Variants in PFKP observed in about 807,000 individuals in gnomAD.
PFKP encodes ATP-dependent 6-phosphofructokinase, platelet type.
PFKP carries 101 observed loss-of-function variants against 94.3 expected under a neutral mutation model. That is an observed-to-expected ratio of 1.07 (90% CI 0.91 to 1.26). PFKP has a LOEUF of 1.26. Ranked by LOEUF, PFKP falls within the 50% of genes most tolerant of loss-of-function variation. The pLI is 0.00. For missense variants in PFKP, 1,145 were observed against 1,103.3 expected (o/e 1.04, Z -0.53); for synonymous variants, 573 against 432.6 (o/e 1.32, Z -4.03).
chr10:3,129,741 TCA>T (rs1838344445), intron 16 of PFKP, 76 bp from the exon 17 acceptor site: 3 of 1,504,790 alleles, frequency 2.0e-6, no homozygotes, highest in Non-Finnish European at 2.7e-6. Context: ...CTTGCTGCAC[TCA>T]CTCTTGGGGG....
chr10:3,110,886 G>C (rs1005125059), intron 10 of PFKP, among the ~76,000 whole-genome samples: 1 of 139,624 alleles, frequency 7.2e-6, no homozygotes, highest in Non-Finnish European at 1.5e-5. Context: ...CTGCATGTAT[G>C]TGTGTGCATG....
chr10:3,103,583 G>A (rs1482133289), intron 4 of PFKP, among the ~76,000 whole-genome samples, 196 bp from the exon 5 acceptor site: 46 of 152,148 alleles, frequency 3.0e-4, no homozygotes, highest in Admixed American at 3.0e-3. Flanking sequence ...GGGCTATGAT[G>A]GTGCCACTGC....
chr10:3,087,402 G>A (rs1006750326), intron 2 of PFKP, among the ~76,000 whole-genome samples: 1 of 152,162 alleles, frequency 6.6e-6, no homozygotes, highest in Non-Finnish European at 1.5e-5. Context: ...TGTCTGGCGG[G>A]GACAGCGCCT....
At chr10:3,123,837 G>T (rs1837657745) in intron 16 of PFKP, among the ~76,000 whole-genome samples, 1 of 152,052 alleles carries the variant, frequency 6.6e-6, no homozygotes, top group Admixed American at 6.5e-5. Context: ...GCCAGAGCCT[G>T]CCAGGCAGAG....
intron 14 of PFKP, among the ~76,000 whole-genome samples, chr10:3,117,841 C>T (rs1207315927): frequency 6.6e-6 from 1 of 152,200 alleles, no homozygotes; most frequent in Non-Finnish European, 1.5e-5. Context: ...CCTGAAGAGG[C>T]TTAAGAAACC....
At position 3,079,657 on chromosome 10, in the gene PFKP, C is replaced by CG. The variant is rs1456588977; in HGVS notation, c.113-2727dup. On this transcript the variant is annotated intron_variant, in intron 1 of 21. Coordinates refer to ENST00000381125, the MANE Select transcript of PFKP (RefSeq NM_002627.5). ...CGGTGGGAACGAGGTCTTCAGAGAG[C>CG]GGGGTGGGGGGGGGGGGAAGAGGAG... is the stretch of plus-strand genomic sequence containing the variant. Among the ~76,000 whole-genome samples the CG allele has an allele frequency of 6.8e-3, 53 of 7,786 alleles. 2 individuals carry two copies. The highest frequency in any genetic ancestry group is 0.018 in the East Asian group (9 of 500). 5.1% of individuals were successfully genotyped at this position (7,786 alleles called of 152,430 possible).
chr10:3,117,922 C>T (rs28673062), intron 14 of PFKP, among the ~76,000 whole-genome samples: 3 of 152,148 alleles, frequency 2.0e-5, no homozygotes, highest in African/African-American at 7.2e-5. Context: ...CTGGCCTGAA[C>T]GTTTTTGCCC....
chr10:3,135,640 C>G, intron 20 of PFKP, 96 bp from the exon 21 acceptor site: 3 of 757,924 alleles, frequency 4.0e-6, no homozygotes, highest in Non-Finnish European at 6.7e-6. Flanking sequence ...CAGCATGGTT[C>G]TGAGGAATCT....
intron 16 of PFKP, among the ~76,000 whole-genome samples, chr10:3,121,209 A>G (rs1293225628): frequency 6.6e-6 from 1 of 152,174 alleles, no homozygotes; most frequent in Non-Finnish European, 1.5e-5. Context: ...TTTGGGGGCA[A>G]CTTTCACCTT....
At chr10:3,082,576 G>T (rs1833171335) in intron 2 of PFKP, 115 bp downstream of exon 2, 13 of 617,254 alleles carry the variant, frequency 2.1e-5, no homozygotes, top group Middle Eastern at 4.9e-4. Flanking sequence ...GAAGAGGTGG[G>T]CAGGGGAGCA....
rs199704637 is a variant in PFKP, at chr10:3,136,629, G to T, written c.*50G>T. The T allele has an allele frequency of 1.6e-5, 25 of 1,590,448 alleles. No homozygotes were observed. The South Asian group carries it at 2.2e-4, about 14-fold the overall frequency. ...CAGCCACCGTGGACTGTCTGTTTTT[G>T]TAACACTTAAGTTATTTTATCAGCA... On this transcript the variant is annotated 3_prime_UTR_variant, in exon 22 of 22. Transcript: ENST00000381125.
In PFKP at chr10:3,108,752, G is replaced by A; in HGVS notation, c.922G>A (p.Val308Met). ...YDTRVTILGH[V>M]QRGGTPSAFD... ...CACACGTGTGACCATCCTCGGGCAC[G>A]TGCAGAGAGGAGGGACCCCTTCGGC... Residue 308 changes from valine to methionine, a missense_variant, in exon 9 of 22, where the codon GTG (valine) becomes ATG (methionine). Transcript: ENST00000381125. 1.9e-6 allele frequency: 3 copies of A among 1,613,966 alleles called. No individual in the cohort carries two copies. The highest frequency in any genetic ancestry group is 2.5e-6 in the Non-Finnish European group (3 of 1,179,890).
At chr10:3,084,049 C>A (rs1159029670) in intron 2 of PFKP, among the ~76,000 whole-genome samples, 1 of 152,150 alleles carries the variant, frequency 6.6e-6, no homozygotes, top group Admixed American at 6.5e-5. Flanking sequence ...ATTTAGCTTT[C>A]TCCCCGTTTT....
chr10:3,114,712 G>A (rs1170361213), intron 13 of PFKP, among the ~76,000 whole-genome samples: 2 of 152,258 alleles, frequency 1.3e-5, no homozygotes, highest in East Asian at 1.9e-4. Flanking sequence ...CCCAGGTGGA[G>A]GGAAAGGATG....
intron 2 of PFKP, among the ~76,000 whole-genome samples, chr10:3,083,587 T>C (rs776310401): frequency 6.6e-6 from 1 of 152,218 alleles, no homozygotes; most frequent in Admixed American, 6.5e-5. Flanking sequence ...GTTTTTTGTT[T>C]ACGATTATGT....
chr10:3,124,757 A>C (rs1437681878), intron 16 of PFKP, among the ~76,000 whole-genome samples: 2 of 152,074 alleles, frequency 1.3e-5, no homozygotes, highest in African/African-American at 4.8e-5. Context: ...GGCCTCCCTT[A>C]CCTACCATGA....
At chr10:3,068,767 C>G in intron 1 of PFKP, 1 of 870,636 alleles carries the variant, frequency 1.1e-6, no homozygotes, top group Non-Finnish European at 1.4e-6. Flanking sequence ...CCCAGGCGAA[C>G]GCAACCTGGG....
chr10:3,087,004 C>T (rs1833655470), intron 2 of PFKP, among the ~76,000 whole-genome samples: 1 of 150,700 alleles, frequency 6.6e-6, no homozygotes. Flanking sequence ...AGAGTCTTGC[C>T]CTGTGTCGCC....
intron 14 of PFKP, 53 bp from the exon 15 acceptor site, chr10:3,118,729 G>T: frequency 2.2e-6 from 3 of 1,365,250 alleles, no homozygotes; most frequent in Non-Finnish European, 3.1e-6. Context: ...GCGTCCTGCG[G>T]ACCGCGTGGA....
Sources: allele counts gnomAD v4.1 joint callset (sites outside exome capture counted in the v4.1 genomes callset), GRCh38; gene constraint gnomAD v4.1.1; transcripts MANE v1.5; gene names NCBI Gene and HGNC (gene_info 2026-07-23, HGNC 2026-07-21).